The following BORCS5 variants were observed in gnomAD, a reference collection of about 807,000 sequenced individuals.
The protein encoded by BORCS5 is BLOC-1-related complex subunit 5.
A neutral mutation model predicts 22.1 loss-of-function variants in BORCS5; 17 were observed. That is an observed-to-expected ratio of 0.77 (90% CI 0.53 to 1.15). The LOEUF (loss-of-function observed/expected upper bound fraction) is 1.15. BORCS5 is among the 50% of genes most tolerant of loss of function. The pLI, the probability that BORCS5 is intolerant of heterozygous loss-of-function variation, is 0.00. For missense variants in BORCS5, 247 were observed against 253.2 expected, an observed-to-expected ratio of 0.98 and a Z score of 0.17; for synonymous variants, 117 against 99.8, an observed-to-expected ratio of 1.17 and a Z score of -1.03.
chr12:12,378,266 G>A (rs777136875), intron 2 of BORCS5, among the ~76,000 whole-genome samples: 1 of 152,150 alleles, frequency 6.6e-6, no homozygotes, highest in Non-Finnish European at 1.5e-5. Flanking sequence ...CAGCTACTCA[G>A]GAGGCTGAGG....
At chr12:12,394,541 A>T (rs981225079) in intron 2 of BORCS5, among the ~76,000 whole-genome samples, 1 of 137,124 alleles carries the variant, frequency 7.3e-6, no homozygotes, top group Non-Finnish European at 1.6e-5. Flanking sequence ...GCCGCCCTTT[A>T]AAAAAAAAAA....
At chr12:12,386,122 T>G (rs1213232723) in intron 2 of BORCS5, among the ~76,000 whole-genome samples, 1 of 150,598 alleles carries the variant, frequency 6.6e-6, no homozygotes, top group Non-Finnish European at 1.5e-5. Context: ...TACCTCAGTC[T>G]CTTGAGTAGC....
intron 2 of BORCS5, among the ~76,000 whole-genome samples, chr12:12,414,796 G>A (rs1292799538): frequency 7.0e-6 from 1 of 143,512 alleles, no homozygotes; most frequent in South Asian, 2.2e-4. Flanking sequence ...TCTCAGACGG[G>A]GCGGTTGCCA....
chr12:12,445,496 C>CTTTTTT (rs5796492), intron 3 of BORCS5, among the ~76,000 whole-genome samples: 7 of 45,762 alleles, frequency 1.5e-4, no homozygotes, highest in African/African-American at 1.7e-4. Context: ...ACATGCATTG[C>CTTTTTT]TTTTTTTTTT....
At chr12:12,396,723 G>A (rs1430566817) in intron 2 of BORCS5, among the ~76,000 whole-genome samples, 1 of 152,130 alleles carries the variant, frequency 6.6e-6, no homozygotes, top group East Asian at 1.9e-4. Context: ...TAAACTGAGA[G>A]TGAATATTAA....
At chr12:12,387,667 T>C (rs1174722091) in intron 2 of BORCS5, among the ~76,000 whole-genome samples, 3 of 151,522 alleles carry the variant, frequency 2.0e-5, no homozygotes, top group Non-Finnish European at 4.4e-5. Context: ...CAAGTTTAAG[T>C]AGCTTTTTTG....
intron 2 of BORCS5, among the ~76,000 whole-genome samples, chr12:12,378,928 AT>A (rs1027686990): frequency 4.0e-5 from 6 of 148,330 alleles, no homozygotes; most frequent in South Asian, 4.3e-4. Context: ...AATATTTTTA[AT>A]TTTTTTTGTA....
At chr12:12,385,175 G>A (rs962236913) in intron 2 of BORCS5, among the ~76,000 whole-genome samples, 4 of 151,464 alleles carry the variant, frequency 2.6e-5, no homozygotes, top group African/African-American at 9.7e-5. Flanking sequence ...CTAGGAGCAC[G>A]TGACTGGTTG....
At chr12:12,375,598 AAC>A (rs762713990) in intron 2 of BORCS5, among the ~76,000 whole-genome samples, 25 of 152,178 alleles carry the variant, frequency 1.6e-4, no homozygotes, top group Admixed American at 3.3e-4. Flanking sequence ...CAGCATGGGC[AAC>A]AGAGTGAGAC....
chr12:12,418,440 C>A (rs1256588612), intron 2 of BORCS5, among the ~76,000 whole-genome samples: 1 of 152,138 alleles, frequency 6.6e-6, no homozygotes, highest in Non-Finnish European at 1.5e-5. Context: ...AATCCCAGCA[C>A]TTTGAGAGGC....
intron 2 of BORCS5, among the ~76,000 whole-genome samples, chr12:12,371,159 C>T (rs1016800475): frequency 2.6e-5 from 4 of 152,138 alleles, no homozygotes; most frequent in South Asian, 4.1e-4. Flanking sequence ...GCTCTAGAAT[C>T]GGGTATTTCT....
chr12:12,428,248 C>G (rs115420450), intron 2 of BORCS5, among the ~76,000 whole-genome samples: 1,601 of 152,266 alleles, frequency 0.011, 28 homozygotes, highest in African/African-American at 0.037. Flanking sequence ...GGGTTTCCCC[C>G]CACCTGACAT....
chr12:12,422,787 A>G (rs1343028199), intron 2 of BORCS5, among the ~76,000 whole-genome samples: 3 of 152,074 alleles, frequency 2.0e-5, no homozygotes, highest in Non-Finnish European at 4.4e-5. Flanking sequence ...TACTTTTTTA[A>G]TGCAGTAATC....
At chr12:12,431,237 C>G (rs192326905) in intron 2 of BORCS5, among the ~76,000 whole-genome samples, 5 of 152,162 alleles carry the variant, frequency 3.3e-5, no homozygotes, top group Non-Finnish European at 5.9e-5. Context: ...TCATGCTTTT[C>G]GTTTTTACCA....
chr12:12,358,952 C>G (rs1045478746), intron 1 of BORCS5, among the ~76,000 whole-genome samples: 4 of 152,152 alleles, frequency 2.6e-5, no homozygotes, highest in African/African-American at 7.2e-5. Context: ...TTCTAGGAGG[C>G]AGAACAGTTC....
chr12:12,451,437 C>T (rs1219737657), intron 3 of BORCS5, among the ~76,000 whole-genome samples: 1 of 151,566 alleles, frequency 6.6e-6, no homozygotes, highest in African/African-American at 2.4e-5. Context: ...TTAGGTTGTA[C>T]ATAATTAAAG....
rs10647835 is a variant in BORCS5, at chr12:12,470,676, G to GTTT, written c.*4910_*4912dup. Among the ~76,000 whole-genome samples, 1,074 of 146,396 alleles carry GTTT rather than the reference G, an allele frequency of 7.3e-3. 12 individuals carry two copies. The highest frequency in any genetic ancestry group is 0.027 in the South Asian group (127 of 4,630). On this transcript the variant is annotated 3_prime_UTR_variant, in exon 4 of 4. Coordinates refer to ENST00000314565, the MANE Select transcript of BORCS5 (RefSeq NM_058169.6). ...ATAAATAACATTGAATTTCATGTGG[G>GTTT]TTTTTTTTTTTTGACACACCAGGCA...
chr12:12,386,995 C>T (rs906080465), intron 2 of BORCS5, among the ~76,000 whole-genome samples: 1 of 151,174 alleles, frequency 6.6e-6, no homozygotes, highest in Non-Finnish European at 1.5e-5. Context: ...TCCTGAATAG[C>T]TAAGACTACA....
At chr12:12,427,535 G>C (rs946434799) in intron 2 of BORCS5, among the ~76,000 whole-genome samples, 3 of 152,150 alleles carry the variant, frequency 2.0e-5, no homozygotes, top group African/African-American at 7.2e-5. Context: ...TAGAGTTTAA[G>C]TAAAGGATAC....
Sources: gnomAD v4.1 joint callset for allele counts (sites outside exome capture counted in the v4.1 genomes callset) on GRCh38, gnomAD v4.1.1 for gene constraint, MANE v1.5 for transcripts, NCBI Gene and HGNC (gene_info 2026-07-23, HGNC 2026-07-21) for gene names.